ARHGAP31: variants seen among roughly 807,000 people sequenced by gnomAD.
ARHGAP31 encodes rho GTPase-activating protein 31.
ARHGAP31 carries 34 observed loss-of-function variants against 113.9 expected under a neutral mutation model. That is an observed-to-expected ratio of 0.30 (90% CI 0.23 to 0.40). ARHGAP31 has a LOEUF of 0.40. Ranked by LOEUF, ARHGAP31 falls within the 10% of genes least tolerant of loss-of-function variation. The pLI is 1.00. For missense variants in ARHGAP31, 1,548 were observed against 1,767.1 expected (o/e 0.88, Z 2.22); for synonymous variants, 650 against 684.8 (o/e 0.95, Z 0.79).
chr3:119,356,620 G>A (rs538309369), intron 1 of ARHGAP31, among the ~76,000 whole-genome samples: 16 of 149,338 alleles, frequency 1.1e-4, no homozygotes, highest in African/African-American at 4.0e-4. Context: ...GACAGAGTAA[G>A]ACTCTGTCTC....
chr3:119,372,920 G>T (rs563621892), intron 3 of ARHGAP31, among the ~76,000 whole-genome samples: 9 of 152,162 alleles, frequency 5.9e-5, no homozygotes, highest in African/African-American at 2.2e-4. Flanking sequence ...CTTAATTAAG[G>T]CTCAGGTATT....
intron 1 of ARHGAP31, among the ~76,000 whole-genome samples, chr3:119,301,119 C>CAGAGAAT (rs1184676235): frequency 6.6e-6 from 1 of 152,166 alleles, no homozygotes; most frequent in East Asian, 1.9e-4. Context: ...ACAACCCACA[C>CAGAGAAT]AGAGAATAGA....
intron 1 of ARHGAP31, among the ~76,000 whole-genome samples, chr3:119,357,686 T>G (rs73857017): frequency 1.3e-5 from 2 of 152,316 alleles, no homozygotes; most frequent in African/African-American, 4.8e-5. Flanking sequence ...TTCTCACTCT[T>G]TTTTTCCTCT....
intron 3 of ARHGAP31, among the ~76,000 whole-genome samples, chr3:119,380,261 T>C: frequency 6.6e-6 from 1 of 152,136 alleles, no homozygotes; most frequent in East Asian, 1.9e-4. Context: ...CTTGAGGTCA[T>C]GGGGTAGTCA....
chr3:119,398,341 G>A (rs1049675979), intron 8 of ARHGAP31, among the ~76,000 whole-genome samples: 4 of 152,042 alleles, frequency 2.6e-5, no homozygotes, highest in African/African-American at 4.8e-5. Context: ...GCCCAAAAGC[G>A]GCAGAGCTGG....
chr3:119,324,745 C>A, intron 1 of ARHGAP31: 1 of 299,430 alleles, frequency 3.3e-6, no homozygotes, highest in Non-Finnish European at 6.7e-6. Flanking sequence ...TACTCTCAAC[C>A]CCTAGCCCTT....
chr3:119,340,705 C>T (rs1056590247), intron 1 of ARHGAP31, among the ~76,000 whole-genome samples: 1 of 152,078 alleles, frequency 6.6e-6, no homozygotes, highest in Non-Finnish European at 1.5e-5. Flanking sequence ...GCAGTGTGGC[C>T]GTGGGTGCCG....
intron 1 of ARHGAP31, among the ~76,000 whole-genome samples, chr3:119,320,765 C>A (rs778736105): frequency 2.6e-5 from 4 of 152,200 alleles, no homozygotes; most frequent in Non-Finnish European, 5.9e-5. Flanking sequence ...GCATGCCCTT[C>A]CCTTTCACTA....
At chr3:119,312,227 C>G (rs548903286) in intron 1 of ARHGAP31, among the ~76,000 whole-genome samples, 6 of 152,318 alleles carry the variant, frequency 3.9e-5, no homozygotes, top group Middle Eastern at 3.4e-3. Flanking sequence ...GGACCCCCAT[C>G]AGGGAATAAA....
In ARHGAP31 at chr3:119,304,820, G is replaced by A. The variant is rs1043969250; in HGVS notation, c.100+9816G>A. 6.6e-5 allele frequency among the ~76,000 whole-genome samples: 10 copies of A among 152,008 alleles called. No homozygotes were observed. The East Asian group carries it at 7.8e-4, about 12-fold the overall frequency. Reference sequence around the variant, plus strand: ...TGAGGCGAAAGAATTGCTTGAACCCGGGAGGCACAGGTTTCACTGACCCAA... The same window carrying A: ...TGAGGCGAAAGAATTGCTTGAACCCAGGAGGCACAGGTTTCACTGACCCAA... On this transcript the variant is annotated intron_variant, in intron 1 of 11. Transcript: ENST00000264245.
chr3:119,396,503 T>C (rs977608933), intron 8 of ARHGAP31, among the ~76,000 whole-genome samples: 9 of 152,204 alleles, frequency 5.9e-5, no homozygotes, highest in African/African-American at 1.4e-4. Context: ...CAGAAGAATA[T>C]TGCTGGCAAC....
chr3:119,323,520 A>G (rs1456539504), intron 1 of ARHGAP31, among the ~76,000 whole-genome samples: 1 of 151,114 alleles, frequency 6.6e-6, no homozygotes, highest in Non-Finnish European at 1.5e-5. Flanking sequence ...TTTTAACCAC[A>G]TCCAGGAAGA....
At chr3:119,382,453 C>T (rs569585203) in intron 5 of ARHGAP31, 54 bp downstream of exon 5, 4 of 1,514,828 alleles carry the variant, frequency 2.6e-6, no homozygotes, top group East Asian at 4.5e-5. Flanking sequence ...GAGCAGCCCC[C>T]GATTGAAATG....
At chr3:119,330,457 A>G (rs1283639908) in intron 1 of ARHGAP31, among the ~76,000 whole-genome samples, 1 of 152,200 alleles carries the variant, frequency 6.6e-6, no homozygotes, top group African/African-American at 2.4e-5. Context: ...CTGGGATAAG[A>G]ACCATGACTC....
chr3:119,391,572 T>G (rs950145392), intron 7 of ARHGAP31, among the ~76,000 whole-genome samples: 1 of 151,266 alleles, frequency 6.6e-6, no homozygotes, highest in African/African-American at 2.4e-5. Flanking sequence ...ACTTCTTCTG[T>G]TGCCACCTGG....
chr3:119,320,538 A>C (rs987459718), intron 1 of ARHGAP31, among the ~76,000 whole-genome samples: 9 of 152,186 alleles, frequency 5.9e-5, no homozygotes, highest in Non-Finnish European at 1.2e-4. Flanking sequence ...AACCCATTGT[A>C]AACAAAACTT....
In ARHGAP31 at chr3:119,419,275, A is replaced by T. The variant is rs2080803591; in HGVS notation, c.*3011A>T. On this transcript the variant is annotated 3_prime_UTR_variant, in exon 12 of 12. Transcript: ENST00000264245. The stretch of plus-strand genomic sequence containing the variant: ...TGTTAAATGATGGATTTGCAGTGAA[A>T]CGCATGCATGTACTGACGTTTTCTT... 2 of 152,190 alleles carry T rather than the reference A, an allele frequency of 1.3e-5. No homozygotes were observed. Among genetic ancestry groups the T allele is most frequent in the South Asian group, 4.2e-4 (2 of 4,816 alleles). 9.4% of individuals were successfully genotyped at this position (152,190 alleles called of 1,614,324 possible).
At chr3:119,383,053 A>C in intron 5 of ARHGAP31, 31 bp from the exon 6 acceptor site, 1 of 1,613,590 alleles carries the variant, frequency 6.2e-7, no homozygotes, top group Non-Finnish European at 8.5e-7. Flanking sequence ...AGGCAAACTC[A>C]CTAACTGAAT....
At chr3:119,385,715 A>G (rs1169397882) in intron 6 of ARHGAP31, among the ~76,000 whole-genome samples, 1 of 152,230 alleles carries the variant, frequency 6.6e-6, no homozygotes, top group African/African-American at 2.4e-5. Context: ...CTTATTTTAT[A>G]CATGAAGAAC....
Sources: gnomAD v4.1 joint callset for allele counts (sites outside exome capture counted in the v4.1 genomes callset) on GRCh38, gnomAD v4.1.1 for gene constraint, MANE v1.5 for transcripts, NCBI Gene and HGNC (gene_info 2026-07-23, HGNC 2026-07-21) for gene names.